The following LRRTM4 variants were observed in gnomAD, a reference collection of about 807,000 sequenced individuals.
LRRTM4 encodes the protein leucine-rich repeat transmembrane neuronal protein 4.
A neutral mutation model predicts 47.6 loss-of-function variants in LRRTM4; 25 were observed. That is an observed-to-expected ratio of 0.53 (90% CI 0.38 to 0.73). The LOEUF is 0.73. Ranked by LOEUF, LRRTM4 falls within the 30% of genes least tolerant of loss-of-function variation. LRRTM4 has a pLI of 0.00. For missense variants in LRRTM4, 638 were observed against 713.4 expected (o/e 0.89, Z 1.20); for synonymous variants, 311 against 269.5 (o/e 1.15, Z -1.51).
intron 3 of LRRTM4, among the ~76,000 whole-genome samples, chr2:77,346,605 TTTGTAGAACTC>T (rs2104287309): frequency 6.6e-6 from 1 of 152,250 alleles, no homozygotes; most frequent in South Asian, 2.1e-4. Flanking sequence ...TTTTCAAAAA[TTTGTAGAACTC>T]TACCTCTAGA....
At chr2:77,047,780 G>T (rs555765164) in intron 3 of LRRTM4, among the ~76,000 whole-genome samples, 1 of 152,090 alleles carries the variant, frequency 6.6e-6, no homozygotes, top group African/African-American at 2.4e-5. Context: ...AATTTTAGAA[G>T]GACAAATTTC....
intron 3 of LRRTM4, among the ~76,000 whole-genome samples, chr2:77,204,546 T>C (rs1379137449): frequency 6.6e-6 from 1 of 152,188 alleles, no homozygotes; most frequent in East Asian, 1.9e-4. Context: ...GACTAATGCC[T>C]ATGTATCTTT....
At chr2:77,317,241 T>C (rs1677644905) in intron 3 of LRRTM4, among the ~76,000 whole-genome samples, 1 of 152,192 alleles carries the variant, frequency 6.6e-6, no homozygotes, top group Admixed American at 6.5e-5. Context: ...AGTGTAATTA[T>C]CATATTTGCA....
At chr2:77,487,975 TC>T (rs1413383750) in intron 3 of LRRTM4, among the ~76,000 whole-genome samples, 2 of 152,140 alleles carry the variant, frequency 1.3e-5, no homozygotes, top group African/African-American at 4.8e-5. Flanking sequence ...ACCTCATTCT[TC>T]CTGGACTTGC....
At chr2:76,767,694 TTC>T (rs56385508) in intron 3 of LRRTM4, among the ~76,000 whole-genome samples, 29,935 of 152,100 alleles carry the variant, frequency 0.2, 3,435 homozygotes, top group African/African-American at 0.31. Context: ...CATTTTCTCT[TTC>T]TTTTACTTCT....
intron 3 of LRRTM4, among the ~76,000 whole-genome samples, chr2:77,162,951 A>G (rs7594421): frequency 0.66 from 99,572 of 151,996 alleles, 32,633 homozygotes; most frequent in African/African-American, 0.7. Context: ...CACCAGCAAC[A>G]GAACAAAGCT....
intron 3 of LRRTM4, among the ~76,000 whole-genome samples, chr2:77,003,568 C>T (rs1316181614): frequency 6.6e-6 from 1 of 152,106 alleles, no homozygotes; most frequent in East Asian, 1.9e-4. Flanking sequence ...GACTTTGATC[C>T]TCATTTGCCT....
At position 77,017,051 on chromosome 2, in the gene LRRTM4, A is replaced by C. The variant is rs542634885; in HGVS notation, c.1552-268135T>G. 1.7e-4 allele frequency among the ~76,000 whole-genome samples: 26 copies of C among 152,272 alleles called. No homozygotes were observed. In the East Asian group the frequency reaches 4.8e-3, roughly 28 times the overall value. On this transcript the variant is annotated intron_variant, in intron 3 of 3. Transcript: ENST00000409884. ...AATATATTGGGTGTTATTCATTTTA[A>C]AGGACTGAGGGAAAAGAAGCAACAC...
chr2:77,423,054 A>C (rs1674964226), intron 3 of LRRTM4, among the ~76,000 whole-genome samples: 1 of 152,068 alleles, frequency 6.6e-6, no homozygotes, highest in Non-Finnish European at 1.5e-5. Flanking sequence ...ATTGTGTTTA[A>C]TTTTAAATAT....
In LRRTM4 at chr2:76,796,699, C is replaced by CAAAG. The variant is rs1462429963; in HGVS notation, c.1552-47787_1552-47784dup. 6.9e-4 allele frequency among the ~76,000 whole-genome samples: 92 copies of CAAAG among 133,330 alleles called. 3 individuals carry two copies. In the East Asian group the frequency reaches 0.022, roughly 33 times the overall value. The allele number at this position is 133,330 out of a possible 152,430, so 87.5% of individuals were successfully genotyped here. The stretch of plus-strand genomic sequence containing the variant: ...AAAGACCAAAAGTAGATAAAAACCA[C>CAAAG]AAAGACAGGGAAAAAACAGAACAGA... On this transcript the variant is annotated intron_variant, in intron 3 of 3. Transcript: ENST00000409884.
At chr2:76,996,263 A>G (rs1184844005) in intron 3 of LRRTM4, among the ~76,000 whole-genome samples, 1 of 152,108 alleles carries the variant, frequency 6.6e-6, no homozygotes, top group African/African-American at 2.4e-5. Flanking sequence ...GTTGATTTAG[A>G]GAAATATGAT....
chr2:77,225,733 G>A (rs1674786199), intron 3 of LRRTM4, among the ~76,000 whole-genome samples: 1 of 151,950 alleles, frequency 6.6e-6, no homozygotes, highest in African/African-American at 2.4e-5. Context: ...ATATAGCCAG[G>A]CACTTAAATA....
intron 3 of LRRTM4, among the ~76,000 whole-genome samples, chr2:77,122,743 C>T (rs1671552532): frequency 6.6e-6 from 1 of 151,624 alleles, no homozygotes; most frequent in South Asian, 2.1e-4. Context: ...AATTACAGAA[C>T]ATCATGCAAA....
At chr2:76,989,761 C>T (rs562224569) in intron 3 of LRRTM4, 37 of 151,772 alleles carry the variant, frequency 2.4e-4, no homozygotes, top group African/African-American at 7.7e-4. Context: ...TTGTCATTAT[C>T]GTTATTTTAT....
intron 3 of LRRTM4, among the ~76,000 whole-genome samples, chr2:77,469,442 C>CA (rs5832282): frequency 0.88 from 134,068 of 152,196 alleles, 59,106 homozygotes; most frequent in South Asian, 0.92. Flanking sequence ...CTAATGTACT[C>CA]AAAAATAAGC....
intron 3 of LRRTM4, among the ~76,000 whole-genome samples, chr2:76,789,998 C>T (rs941417654): frequency 2.0e-5 from 3 of 152,174 alleles, no homozygotes; most frequent in Admixed American, 6.6e-5. Flanking sequence ...TGTGTCGTTA[C>T]AGGACAGTTC....
intron 3 of LRRTM4, among the ~76,000 whole-genome samples, chr2:77,352,192 A>G (rs539535389): frequency 3.2e-4 from 48 of 152,242 alleles, no homozygotes; most frequent in Admixed American, 2.8e-3. Context: ...CTAACCTTCC[A>G]TTTTATTGAA....
intron 3 of LRRTM4, among the ~76,000 whole-genome samples, chr2:77,488,081 C>T (rs1008041255): frequency 5.9e-5 from 9 of 152,086 alleles, no homozygotes; most frequent in South Asian, 2.1e-4. Context: ...TTGCAGGCAA[C>T]GAGAAGGAGG....
chr2:76,975,233 G>T (rs1219878005), intron 3 of LRRTM4, among the ~76,000 whole-genome samples: 2 of 151,628 alleles, frequency 1.3e-5, no homozygotes, highest in African/African-American at 4.8e-5. Flanking sequence ...TTACTAGATA[G>T]TGCTCTGTTT....
Sources: gnomAD v4.1 joint callset for allele counts (sites outside exome capture counted in the v4.1 genomes callset) on GRCh38, gnomAD v4.1.1 for gene constraint, MANE v1.5 for transcripts, NCBI Gene and HGNC (gene_info 2026-07-23, HGNC 2026-07-21) for gene names.